Variants in PUDP observed in about 807,000 individuals in gnomAD.
PUDP encodes the protein pseudouridine 5'-phosphatase.
A neutral mutation model predicts 9.4 loss-of-function variants in PUDP; 8 were observed. The observed-to-expected ratio is 0.85, with a 90% CI of 0.50 to 1.53. The LOEUF (loss-of-function observed/expected upper bound fraction) is 1.53. Among genes scored for constraint, PUDP ranks in the 40% most tolerant of loss-of-function variants. The pLI, the probability that PUDP is intolerant of heterozygous loss-of-function variation, is 0.00. For synonymous variants in PUDP, 99 were observed against 80.7 expected (o/e 1.23, Z -1.22); for missense variants, 188 against 189.7 (o/e 0.99, Z 0.05).
intron 3 of PUDP, among the ~76,000 whole-genome samples, chrX:6,975,451 C>T (rs1298967501): frequency 9.0e-6 from 1 of 110,995 alleles, no homozygotes; most frequent in Non-Finnish European, 1.9e-5. Context: ...GTTAGTTTTT[C>T]TTCTAACAGT....
Position 6,830,553 on chromosome X carries a change from G to A in PUDP, c.*248-124087C>T, listed in dbSNP as rs773414431. 1.9e-3 allele frequency among the ~76,000 whole-genome samples: 217 copies of A among 111,770 alleles called. 1 individual carries two copies. Among genetic ancestry groups the A allele is most frequent in the Non-Finnish European group, 3.2e-3 (169 of 53,106 alleles). ...TAGAAGCAAGAGGAAAACCATTATC[G>A]AATATCTAAGGATTCATTTTTTATA... On this transcript the variant is annotated intron_variant and NMD_transcript_variant, in intron 3 of 3. Transcript: ENST00000655425.
At chrX:6,950,424 T>TTG (rs1928536533) in intron 3 of PUDP, among the ~76,000 whole-genome samples, 1 of 96,215 alleles carries the variant, frequency 1.0e-5, no homozygotes, top group Admixed American at 1.1e-4. Flanking sequence ...TTTTTTTTTT[T>TTG]TTTTGAGACA....
chrX:7,082,590 C>T (rs1931133478), intron 2 of PUDP, among the ~76,000 whole-genome samples: 1 of 112,282 alleles, frequency 8.9e-6, no homozygotes, highest in African/African-American at 3.2e-5. Context: ...TGAAGTGAGA[C>T]ATGGAAGACA....
chrX:6,958,745 C>CAA (rs138391788), intron 3 of PUDP, among the ~76,000 whole-genome samples: 23 of 60,671 alleles, frequency 3.8e-4, no homozygotes, highest in Non-Finnish European at 4.7e-4. Flanking sequence ...AATGCCATCT[C>CAA]AAAAAAAAAA....
chrX:6,846,397 T>A (rs1483001058), intron 3 of PUDP, among the ~76,000 whole-genome samples: 1 of 87,923 alleles, frequency 1.1e-5, no homozygotes, highest in Non-Finnish European at 2.2e-5. Flanking sequence ...GTGACAGTGC[T>A]AGACTCCCTC....
chrX:7,093,555 C>T (rs745711074), intron 2 of PUDP, among the ~76,000 whole-genome samples: 30 of 111,757 alleles, frequency 2.7e-4, no homozygotes, highest in African/African-American at 6.5e-4. Context: ...CCCACTCCCT[C>T]GTCCTGACTG....
intron 3 of PUDP, among the ~76,000 whole-genome samples, chrX:6,791,515 T>C (rs1278558185): frequency 9.0e-6 from 1 of 111,340 alleles, no homozygotes; most frequent in Non-Finnish European, 1.9e-5. Flanking sequence ...AAAGATTATC[T>C]TGGATTATCC....
chrX:6,861,205 G>T (rs1326928717), intron 3 of PUDP, among the ~76,000 whole-genome samples: 1 of 111,946 alleles, frequency 8.9e-6, no homozygotes, highest in East Asian at 2.8e-4. Context: ...GGAGGAGCCA[G>T]TCTTTTGATC....
chrX:6,832,987 T>TACACACACACACACACACACAC (rs200319848), intron 3 of PUDP, among the ~76,000 whole-genome samples: 1,537 of 106,262 alleles, frequency 0.014, 33 homozygotes, highest in African/African-American at 0.042. Flanking sequence ...CTCTCTGACA[T>TACACACACACACACACACACAC]ACACACACAC....
At chrX:7,024,682 G>A (rs1207631781) in intron 1 of PUDP, among the ~76,000 whole-genome samples, 2 of 104,977 alleles carry the variant, frequency 1.9e-5, no homozygotes, top group Admixed American at 1.0e-4. Flanking sequence ...CGCCTTCCGG[G>A]TTCACGCCAT....
chrX:6,721,798 G>A (rs1409547358), upstream of PUDP, among the ~76,000 whole-genome samples: 1 of 111,550 alleles, frequency 9.0e-6, no homozygotes, highest in Non-Finnish European at 1.9e-5. Context: ...TCACAATACA[G>A]CATATCCTTA....
At chrX:6,963,973 CAAG>C (rs1928744902) in intron 3 of PUDP, among the ~76,000 whole-genome samples, 1 of 111,984 alleles carries the variant, frequency 8.9e-6, no homozygotes, top group Non-Finnish European at 1.9e-5. Context: ...CATTTTCTAA[CAAG>C]AAGAATGCGA....
Position 6,729,285 on chromosome X carries a change from C to T in PUDP, c.*248-22819G>A, listed in dbSNP as rs778986060. On this transcript the variant is annotated intron_variant and NMD_transcript_variant, in intron 3 of 3. Transcript: ENST00000655425. ...GGCTCATCAGAAACCCAACAGAATG[C>T]AGCCATTTGTCTCTTATCTACCCAT... is the stretch of plus-strand genomic sequence containing the variant. Among the ~76,000 whole-genome samples, 7 of 111,855 alleles carry T rather than the reference C, an allele frequency of 6.3e-5. No homozygotes were observed. The East Asian group carries it at 2.0e-3, about 31-fold the overall frequency.
At chrX:7,033,096 T>C (rs1929812223) in intron 1 of PUDP, among the ~76,000 whole-genome samples, 1 of 112,052 alleles carries the variant, frequency 8.9e-6, no homozygotes, top group African/African-American at 3.2e-5. Context: ...TGGTTTAGTC[T>C]ACTGGCCTAC....
chrX:6,905,453 T>C (rs1051067656), intron 3 of PUDP, among the ~76,000 whole-genome samples: 1 of 111,890 alleles, frequency 8.9e-6, no homozygotes, highest in Non-Finnish European at 1.9e-5. Context: ...CTTACAATCA[T>C]GGCGCAAGGC....
intron 1 of PUDP, among the ~76,000 whole-genome samples, chrX:6,720,097 T>C (rs1438939278): frequency 9.4e-6 from 1 of 106,512 alleles, no homozygotes; most frequent in Non-Finnish European, 1.9e-5. Context: ...AGAAAATGTT[T>C]ATACATACAT....
At chrX:6,828,627 A>G (rs1244667188) in intron 3 of PUDP, among the ~76,000 whole-genome samples, 1 of 111,416 alleles carries the variant, frequency 9.0e-6, no homozygotes, top group Non-Finnish European at 1.9e-5. Flanking sequence ...GGGCAAATGT[A>G]TCATGACATT....
At chrX:6,774,665 G>C (rs1925419684) in intron 3 of PUDP, among the ~76,000 whole-genome samples, 2 of 111,990 alleles carry the variant, frequency 1.8e-5, no homozygotes, top group African/African-American at 6.5e-5. Context: ...CCCAGGTAGG[G>C]TTGCTGTGGC....
intron 3 of PUDP, among the ~76,000 whole-genome samples, chrX:6,944,981 TCTCAC>T (rs1368386301): frequency 8.9e-6 from 1 of 111,833 alleles, no homozygotes; most frequent in Non-Finnish European, 1.9e-5. Flanking sequence ...AATCGAGATG[TCTCAC>T]CTTTTTTAGG....
Sources: gnomAD v4.1 joint callset for allele counts (sites outside exome capture counted in the v4.1 genomes callset) on GRCh38, gnomAD v4.1.1 for gene constraint, MANE v1.5 for transcripts, NCBI Gene and HGNC (gene_info 2026-07-23, HGNC 2026-07-21) for gene names.